Variants in MTMR8 observed in about 807,000 individuals in gnomAD.
The protein encoded by MTMR8 is myotubularin related protein 8.
A neutral mutation model predicts 39.3 loss-of-function variants in MTMR8; 65 were observed. The ratio of observed to expected loss-of-function variants is 1.65; its 90% CI spans 1.35 to 2.03. MTMR8 has a LOEUF of 2.03. MTMR8 is among the 30% of genes most tolerant of loss of function. The probability of loss-of-function intolerance (pLI) is 0.00; values close to 1 mark genes in which losing one functional copy is unlikely to be tolerated. For missense variants in MTMR8, 777 were observed against 538.9 expected (o/e 1.44, Z -4.37); for synonymous variants, 245 against 185.2 (o/e 1.32, Z -2.62).
chrX:64,343,119 A>G (rs1292484313), intron 8 of MTMR8, among the ~76,000 whole-genome samples: 1 of 111,833 alleles, frequency 8.9e-6, no homozygotes, highest in Non-Finnish European at 1.9e-5. Flanking sequence ...CTGAAAACTC[A>G]TAGATACATA....
At chrX:64,313,800 C>G (rs182396220) in intron 12 of MTMR8, among the ~76,000 whole-genome samples, 1 of 112,584 alleles carries the variant, frequency 8.9e-6, no homozygotes, top group East Asian at 2.8e-4. Flanking sequence ...TTTCAGCCAT[C>G]TTAGCCTGGT....
chrX:64,392,202 T>C (rs1924707406), intron 1 of MTMR8, among the ~76,000 whole-genome samples: 2 of 111,806 alleles, frequency 1.8e-5, no homozygotes, highest in East Asian at 2.8e-4. Context: ...ATGCATATTC[T>C]ACGGCCCAGA....
chrX:64,298,049 T>G (rs1331627975), intron 12 of MTMR8, among the ~76,000 whole-genome samples: 3 of 80,245 alleles, frequency 3.7e-5, no homozygotes, highest in Non-Finnish European at 7.2e-5. Context: ...GGCTTAGGAT[T>G]GACTTGGCGA....
chrX:64,380,774 G>C (rs1489965730), intron 1 of MTMR8, among the ~76,000 whole-genome samples: 1 of 110,918 alleles, frequency 9.0e-6, no homozygotes, highest in Non-Finnish European at 1.9e-5. Context: ...GCCCTGGTTT[G>C]TGATGTTCCC....
chrX:64,366,047 CAAG>C lies in MTMR8; in HGVS notation c.25-6523_25-6521del, dbSNP rs765526344. On this transcript the variant is annotated intron_variant, in intron 1 of 13. Coordinates refer to ENST00000374852, the MANE Select transcript of MTMR8 (RefSeq NM_017677.4). ...CATAATGGTAAAGGGATAAATTCAA[CAAG>C]AAGAACTATCTTAAATATATATGCA... 2.7e-3 allele frequency among the ~76,000 whole-genome samples: 298 copies of C among 111,983 alleles called. 2 individuals carry two copies. Among genetic ancestry groups the C allele is most frequent in the African/African-American group, 8.7e-3 (269 of 30,817 alleles).
chrX:64,293,296 C>T (rs966631586), intron 12 of MTMR8, among the ~76,000 whole-genome samples: 12 of 111,372 alleles, frequency 1.1e-4, no homozygotes, highest in South Asian at 3.8e-4. Flanking sequence ...CCTGTTAATT[C>T]TATGACTATA....
chrX:64,280,471 A>T (rs781327774), intron 12 of MTMR8, among the ~76,000 whole-genome samples: 1 of 112,208 alleles, frequency 8.9e-6, no homozygotes, highest in Admixed American at 9.4e-5. Flanking sequence ...CAATAGATGC[A>T]GAAAAGGCCT....
rs1400363553 is a variant in MTMR8 at position 64,299,791 on chromosome X, G to A, written c.1482-28718C>T. 1.6e-3 allele frequency among the ~76,000 whole-genome samples: 158 copies of A among 100,279 alleles called. 1 individual carries two copies. Among genetic ancestry groups the A allele is most frequent in the Non-Finnish European group, 2.6e-3 (128 of 49,480 alleles). The allele number at this position is 100,279 out of a possible 115,157, so 87.1% of individuals were successfully genotyped here. A position where few individuals can be genotyped will look rare whatever the true frequency, so the allele number is the denominator to read the frequency against. ...TCTGGTATGTTGTGTCTTTGTTCTC[G>A]TTGGTTTCAAAGAACATCTTTACTT... On this transcript the variant is annotated intron_variant, in intron 12 of 13. Transcript: ENST00000374852.
At chrX:64,354,464 T>TA (rs1923569000) in intron 4 of MTMR8, among the ~76,000 whole-genome samples, 1 of 111,024 alleles carries the variant, frequency 9.0e-6, no homozygotes, top group Admixed American at 9.6e-5. Flanking sequence ...TAATTAAAAA[T>TA]AAAAAATGTT....
At chrX:64,370,339 T>G (rs1924094593) in intron 1 of MTMR8, among the ~76,000 whole-genome samples, 1 of 109,564 alleles carries the variant, frequency 9.1e-6, no homozygotes, top group Non-Finnish European at 1.9e-5. Flanking sequence ...TACCCTTAGA[T>G]GTCATAATTT....
At chrX:64,301,832 G>T (rs1256561832) in intron 12 of MTMR8, among the ~76,000 whole-genome samples, 1 of 111,898 alleles carries the variant, frequency 8.9e-6, no homozygotes, top group Non-Finnish European at 1.9e-5. Context: ...GCCGTGTGAG[G>T]TGTCAGTGTG....
chrX:64,292,293 T>A (rs1187390619), intron 12 of MTMR8, among the ~76,000 whole-genome samples: 3 of 111,774 alleles, frequency 2.7e-5, no homozygotes, highest in Non-Finnish European at 5.6e-5. Flanking sequence ...GAGCTCTCCA[T>A]CTTTTGGCTG....
intron 8 of MTMR8, among the ~76,000 whole-genome samples, chrX:64,343,080 TA>T (rs1183650896): frequency 1.8e-5 from 2 of 111,395 alleles, no homozygotes; most frequent in Admixed American, 9.5e-5. Context: ...CAAAGAAGTT[TA>T]AAAAAATAGG....
intron 12 of MTMR8, among the ~76,000 whole-genome samples, chrX:64,288,196 G>T (rs916969854): frequency 3.7e-4 from 41 of 109,631 alleles, no homozygotes; most frequent in Admixed American, 9.8e-5. Context: ...AGTGGGTAAA[G>T]GATCTGAACA....
At chrX:64,284,847 C>T (rs1359148379) in intron 12 of MTMR8, among the ~76,000 whole-genome samples, 2 of 112,116 alleles carry the variant, frequency 1.8e-5, no homozygotes, top group African/African-American at 3.2e-5. Flanking sequence ...AAAGGAACAG[C>T]CATTACCAGC....
chrX:64,366,137 A>G (rs749974567), intron 1 of MTMR8, among the ~76,000 whole-genome samples: 1 of 111,644 alleles, frequency 9.0e-6, no homozygotes, highest in South Asian at 3.8e-4. Flanking sequence ...AGACACTTAG[A>G]CTCGCACACA....
intron 8 of MTMR8, among the ~76,000 whole-genome samples, chrX:64,341,310 C>A (rs1378409930): frequency 1.8e-5 from 2 of 110,606 alleles, no homozygotes; most frequent in Non-Finnish European, 3.8e-5. Flanking sequence ...AAAACCCCGT[C>A]TCTGCTAAAA....
At chrX:64,278,959 C>T (rs1357490926) in intron 12 of MTMR8, among the ~76,000 whole-genome samples, 1 of 111,617 alleles carries the variant, frequency 9.0e-6, no homozygotes, top group African/African-American at 3.3e-5. Flanking sequence ...CCCAGAGGGG[C>T]ACCTGCCAGA....
At chrX:64,284,342 G>C (rs2147133116) in intron 12 of MTMR8, among the ~76,000 whole-genome samples, 1 of 112,192 alleles carries the variant, frequency 8.9e-6, no homozygotes, top group South Asian at 3.7e-4. Flanking sequence ...CCAAATCTAT[G>C]TCTGATTGGT....
Sources: gnomAD v4.1 joint callset for allele counts (sites outside exome capture counted in the v4.1 genomes callset) on GRCh38, gnomAD v4.1.1 for gene constraint, MANE v1.5 for transcripts, NCBI Gene and HGNC (gene_info 2026-07-23, HGNC 2026-07-21) for gene names.